GATA4: variants seen among roughly 807,000 people sequenced by gnomAD.
GATA4 encodes the protein transcription factor GATA-4.
Under a neutral mutation model 37.9 loss-of-function variants are expected in GATA4, and 7 were observed. That is an observed-to-expected ratio of 0.18 (90% CI 0.11 to 0.35). The LOEUF is 0.35. Among genes scored for constraint, GATA4 ranks in the 10% least tolerant of loss-of-function variants. The pLI, the probability that GATA4 is intolerant of heterozygous loss-of-function variation, is 1.00. For missense variants in GATA4, 647 were observed against 653.0 expected (o/e 0.99, Z 0.10); for synonymous variants, 372 against 292.6 (o/e 1.27, Z -2.77).
intron 1 of GATA4, chr8:11,681,352 C>T: frequency 2.0e-6 from 2 of 985,420 alleles, no homozygotes; most frequent in Non-Finnish European, 2.4e-6. Context: ...AAATTTCCAG[C>T]ACTCGTCCCC....
In GATA4 at chr8:11,708,734, C is replaced by T. The variant is rs1364199604; in HGVS notation, c.422C>T (p.Ala141Val). ...AYSSGGGAAGAGLAGREQYGR... is the reference protein window; with the variant it reads ...AYSSGGGAAGVGLAGREQYGR... The stretch of plus-strand genomic sequence containing the variant: ...AGCAGTGGCGGCGGAGCGGCGGGTG[C>T]GGGCCTGGCGGGCCGCGAGCAGTAC... Residue 141 changes from alanine (A) to valine (V), a missense_variant, in exon 2 of 7, where the codon GCG becomes GTG. By Grantham distance (64) the Ala-to-Val change is moderately conservative. Transcript: ENST00000532059. This position sits in a 1 kb window ranked among gnomAD's most constrained non-coding sequence, Gnocchi z 6.7. 2 of 1,291,996 alleles carry T rather than the reference C, an allele frequency of 1.5e-6. No homozygotes were observed. The highest frequency in any genetic ancestry group is 3.3e-5 in the East Asian group (1 of 30,740). 80.0% of individuals were successfully genotyped at this position (1,291,996 alleles called of 1,614,324 possible). A position where few individuals can be genotyped will look rare whatever the true frequency, so the allele number is the denominator to read the frequency against.
chr8:11,745,688 C>T (rs923907163), intron 2 of GATA4, among the ~76,000 whole-genome samples: 1 of 152,162 alleles, frequency 6.6e-6, no homozygotes, highest in Admixed American at 6.5e-5. Context: ...AGAATCTCCC[C>T]TCCGAACAAG....
chr8:11,748,421 CA>C (rs1262552135), intron 2 of GATA4, among the ~76,000 whole-genome samples: 1 of 152,102 alleles, frequency 6.6e-6, no homozygotes, highest in African/African-American at 2.4e-5. Flanking sequence ...TACAGTCTTA[CA>C]AAGGATACAA....
chr8:11,697,061 A>C lies in GATA4; in HGVS notation c.-728-3447A>C, dbSNP rs185006692. Among the ~76,000 whole-genome samples the C allele has an allele frequency of 1.9e-3, 289 of 152,314 alleles. 1 individual carries two copies. Among genetic ancestry groups the C allele is most frequent in the African/African-American group, 6.3e-3 (263 of 41,558 alleles). ...GGATAGCTCTGCACCTTCCTGAGTG[A>C]CATCCTGCCAGTGCCCTCCACCTAG... is the stretch of plus-strand genomic sequence containing the variant. On this transcript the variant is annotated intron_variant, in intron 1 of 2. Coordinates refer to the GATA4 transcript ENST00000526974.
chr8:11,697,708 C>A, intron 1 of GATA4: 1 of 985,472 alleles, frequency 1.0e-6, no homozygotes, highest in Non-Finnish European at 1.2e-6. Context: ...TTGGGCTTCG[C>A]GCTTCCTTGA....
intron 2 of GATA4, among the ~76,000 whole-genome samples, chr8:11,747,813 T>C (rs1295251002): frequency 6.6e-6 from 1 of 152,234 alleles, no homozygotes; most frequent in African/African-American, 2.4e-5. Context: ...CAATGGTATA[T>C]GAGTGTATAA....
intron 2 of GATA4, among the ~76,000 whole-genome samples, chr8:11,713,287 T>G (rs1439276479): frequency 6.6e-6 from 1 of 152,202 alleles, no homozygotes; most frequent in Non-Finnish European, 1.5e-5. Context: ...AATGTTAAAA[T>G]CATTAATTAG....
intron 2 of GATA4, among the ~76,000 whole-genome samples, chr8:11,719,764 G>C (rs1186559451): frequency 6.6e-6 from 1 of 152,136 alleles, no homozygotes; most frequent in Non-Finnish European, 1.5e-5. Context: ...ACCCAGATTG[G>C]ATCCTTAAAC....
At chr8:11,736,731 C>T (rs1801477932) in intron 2 of GATA4, among the ~76,000 whole-genome samples, 1 of 152,028 alleles carries the variant, frequency 6.6e-6, no homozygotes, top group Non-Finnish European at 1.5e-5. Context: ...AGTTCTGCAG[C>T]TTAAAAAAAA....
At chr8:11,686,968 G>A (rs1037212533) in intron 1 of GATA4, among the ~76,000 whole-genome samples, 52 of 151,738 alleles carry the variant, frequency 3.4e-4, no homozygotes, top group Non-Finnish European at 6.8e-4. Flanking sequence ...ATTGCACTCC[G>A]GCCTGGGTGA....
chr8:11,705,247 C>T lies in GATA4; in HGVS notation c.-458+943C>T, dbSNP rs1252496916. ...CTGTGTTCCCAGAAAAGGAAGACAACCGAGAGCAGGTTTCAGGCTTTTAAA... is the reference window on the plus strand; with the variant it reads ...CTGTGTTCCCAGAAAAGGAAGACAATCGAGAGCAGGTTTCAGGCTTTTAAA... On this transcript the variant is annotated intron_variant, in intron 1 of 6. Coordinates refer to ENST00000532059, the MANE Select transcript of GATA4 (RefSeq NM_001308093.3). Among the ~76,000 whole-genome samples, 5 of 152,196 alleles carry T rather than the reference C, an allele frequency of 3.3e-5. 1 individual carries two copies. The highest frequency in any genetic ancestry group is 2.6e-4 in the Admixed American group (4 of 15,286).
At chr8:11,738,826 A>G (rs1350839138) in intron 2 of GATA4, among the ~76,000 whole-genome samples, 3 of 152,186 alleles carry the variant, frequency 2.0e-5, no homozygotes, top group African/African-American at 7.2e-5. Flanking sequence ...TGACTGAGGC[A>G]AGCTGGGAGG....
At chr8:11,753,534 G>A (rs804283) in intron 4 of GATA4, among the ~76,000 whole-genome samples, 118,478 of 150,312 alleles carry the variant, frequency 0.79, 47,399 homozygotes, top group East Asian at 0.98. Context: ...GGAGATTAAC[G>A]TGAGGGGGAG....
upstream of GATA4, chr8:11,692,479 A>C: frequency 1.0e-6 from 1 of 979,866 alleles, no homozygotes; most frequent in South Asian, 4.7e-5. Context: ...CGGTGTCCTG[A>C]ATTTTCTCCT....
In GATA4 at chr8:11,708,921, C is replaced by T. The variant is rs1210009123; in HGVS notation, c.609C>T (p.Pro203=). 65 of 1,527,084 alleles carry T rather than the reference C, an allele frequency of 4.3e-5. No individual in the cohort carries two copies. The highest frequency in any genetic ancestry group is 5.1e-5 in the Non-Finnish European group (58 of 1,143,386). 94.6% of individuals were successfully genotyped at this position (1,527,084 alleles called of 1,614,324 possible). ...PGRANPAARH[P]NLVDMFDDFS... is the part of the protein sequence containing the mutation. ...GGGCCAACCCGGCCGCCCGACACCC[C>T]AATCTCGGTGAGTAGGAGCGCGAGG... Residue 203 remains proline (P), a synonymous_variant, in exon 2 of 7, where the codon CCC becomes CCT. Transcript: ENST00000532059. The surrounding 1 kb of genome is among the most constrained non-coding windows in gnomAD (Gnocchi z 6.7).
chr8:11,682,340 G>C (rs954188597), intron 1 of GATA4, among the ~76,000 whole-genome samples: 2 of 152,182 alleles, frequency 1.3e-5, no homozygotes, highest in African/African-American at 4.8e-5. Context: ...CACTAGCTAA[G>C]ATTTTATTTG....
chr8:11,741,616 C>G (rs1032978384), intron 2 of GATA4, among the ~76,000 whole-genome samples: 1 of 152,198 alleles, frequency 6.6e-6, no homozygotes, highest in Non-Finnish European at 1.5e-5. Flanking sequence ...CTGGAGCCAG[C>G]AACTGATCCT....
chr8:11,746,550 A>T (rs2130295186), intron 2 of GATA4, among the ~76,000 whole-genome samples: 1 of 152,358 alleles, frequency 6.6e-6, no homozygotes. Context: ...CAAAACGACG[A>T]CGTTGCCCGC....
intron 6 of GATA4, 32 bp from the exon 7 acceptor site, chr8:11,758,261 A>G (rs1371646972): frequency 2.5e-6 from 4 of 1,613,324 alleles, no homozygotes; most frequent in South Asian, 2.2e-5. Context: ...GAGCGTCTCC[A>G]TGGGCCTCAT....
Sources: gnomAD v4.1 joint callset for allele counts (sites outside exome capture counted in the v4.1 genomes callset) on GRCh38, gnomAD v4.1.1 for gene constraint, Gnocchi (gnomAD v3.1) non-coding constraint, MANE v1.5 for transcripts, NCBI Gene and HGNC (gene_info 2026-07-23, HGNC 2026-07-21) for gene names.